MXRA5: variants seen among roughly 807,000 people sequenced by gnomAD.
The protein encoded by MXRA5 is matrix remodeling associated 5.
In MXRA5, 41 loss-of-function variants were observed where a neutral mutation model predicts 112.5. The ratio of observed to expected loss-of-function variants is 0.36; its 90% CI spans 0.28 to 0.47. The LOEUF is 0.47. MXRA5 is among the 20% of genes least tolerant of loss of function. The probability of loss-of-function intolerance (pLI) is 0.99; values close to 1 mark genes in which losing one functional copy is unlikely to be tolerated. For synonymous variants in MXRA5, 862 were observed against 900.8 expected (o/e 0.96, Z 0.77); for missense variants, 2,150 against 2,251.0 (o/e 0.96, Z 0.91).
At chrX:3,318,878 A>T (rs754042173) in intron 5 of MXRA5, among the ~76,000 whole-genome samples, 2 of 109,900 alleles carry the variant, frequency 1.8e-5, no homozygotes, top group South Asian at 7.8e-4. Flanking sequence ...AAAAAAAAAC[A>T]AACAAAAAAC....
chrX:3,325,112 A>G, intron 4 of MXRA5, 137 bp from the exon 5 acceptor site: 1 of 773,836 alleles, frequency 1.3e-6, no homozygotes, highest in Non-Finnish European at 1.7e-6. Context: ...CCTATACATG[A>G]GTTGCCTTTG....
In MXRA5 at chrX:3,324,646, A is replaced by G; in HGVS notation, c.1039T>C (p.Leu347=). Residue 347 remains leucine, a synonymous_variant, in exon 5 of 7, where the codon TTG becomes CTG. Transcript: ENST00000217939. ...KKPMDVYKIH[L]NQTDPPDIDI... is the part of the protein sequence containing the mutation. ...ATATCTGGAGGATCCGTTTGGTTCA[A>G]GTGAATCTTGTACACATCCATTGGT... 4.1e-6 allele frequency: 5 copies of G among 1,211,117 alleles called. No individual in the cohort carries two copies. The highest frequency in any genetic ancestry group is 4.5e-6 in the Non-Finnish European group (4 of 894,960).
chrX:3,313,507 A>C (rs758915329), intron 6 of MXRA5, among the ~76,000 whole-genome samples: 8 of 110,436 alleles, frequency 7.2e-5, no homozygotes, highest in African/African-American at 2.3e-4. Context: ...CAATCCACCC[A>C]CCTCGGCCTC....
rs1335500777 is a variant in MXRA5 at position 3,324,633 on chromosome X, T to A, written c.1052A>T (p.Asp351Val). 3 of 1,210,700 alleles carry A rather than the reference T, an allele frequency of 2.5e-6. No homozygotes were observed. Among genetic ancestry groups the A allele is most frequent in the Non-Finnish European group, 3.4e-6 (3 of 894,721 alleles). ...DVYKIHLNQTDPPDIDINATV... is the reference protein window; with the variant it reads ...DVYKIHLNQTVPPDIDINATV... Reference sequence around the variant, plus strand: ...TGCATTTATGTCAATATCTGGAGGATCCGTTTGGTTCAAGTGAATCTTGTA... The same window carrying A: ...TGCATTTATGTCAATATCTGGAGGAACCGTTTGGTTCAAGTGAATCTTGTA... The change falls in exon 5 of 7, where the codon GAT (aspartate) becomes GTT (valine). Residue 351 changes from aspartate (D) to valine (V), a missense_variant. By Grantham distance (152) the Asp-to-Val change is radical. This residue lies in a region of MXRA5 where 386 missense variants were observed against 411.0 expected (regional missense o/e 0.94). Transcript: ENST00000217939.
At chrX:3,328,004 G>T (rs985573321) in intron 4 of MXRA5, among the ~76,000 whole-genome samples, 1 of 112,468 alleles carries the variant, frequency 8.9e-6, no homozygotes, top group Non-Finnish European at 1.9e-5. Flanking sequence ...AAAGTTTTGT[G>T]GGTCCACATC....
chrX:3,325,379 C>T (rs1394049794), intron 4 of MXRA5, among the ~76,000 whole-genome samples: 1 of 108,875 alleles, frequency 9.2e-6, no homozygotes, highest in African/African-American at 3.3e-5. Flanking sequence ...AAGGATGAAT[C>T]TTTGCACGTA....
At position 3,323,284 on chromosome X, in the gene MXRA5, C is replaced by A. The variant is rs1369535951; in HGVS notation, c.2401G>T (p.Val801Leu). ...RGKNLPKGTE[V>L]PPLIKTTSPP... ...CTTGTGGTTTTAATCAATGGGGGTA[C>A]TTCTGTGCCCTTAGGGAGATTTTTC... is the stretch of plus-strand genomic sequence containing the variant. Residue 801 changes from valine to leucine, a missense_variant, in exon 5 of 7, where the codon GTA becomes TTA. Transcript: ENST00000217939. 8.3e-7 allele frequency: 1 copy of A among 1,209,417 alleles called. No homozygotes were observed. The highest frequency in any genetic ancestry group is 3.0e-5 in the East Asian group (1 of 33,733).
Position 3,321,897 on chromosome X carries a change from T to C in MXRA5, c.3788A>G (p.Asn1263Ser). 8.3e-7 allele frequency: 1 copy of C among 1,211,340 alleles called. No homozygotes were observed. Among genetic ancestry groups the C allele is most frequent in the South Asian group, 1.8e-5 (1 of 56,867 alleles). ...GGGAGTAACAATGTTTCTATGTTTA[T>C]TTTCTGGAGAAGGGCTGGGCTTGGA... ...SGSKPSPSPE[N>S]KHRNIVTPSS... is the part of the protein sequence containing the mutation. Residue 1263 changes from asparagine to serine, a missense_variant, in exon 5 of 7, where the codon AAT (asparagine) becomes AGT (serine). By Grantham distance (46) the Asn-to-Ser change is conservative (BLOSUM62 1). Around this residue, in one of 6 missense-constraint regions of MXRA5, gnomAD observed 1,485 missense variants for 1,471.6 expected, o/e 1.01. Coordinates refer to ENST00000217939, the MANE Select transcript of MXRA5 (RefSeq NM_015419.4).
intron 2 of MXRA5, among the ~76,000 whole-genome samples, chrX:3,332,192 ATTCACC>A (rs1921678899): frequency 8.9e-6 from 1 of 111,739 alleles, no homozygotes; most frequent in Non-Finnish European, 1.9e-5. Flanking sequence ...CTCAAAAACC[ATTCACC>A]TTGATTGCAT....
At chrX:3,313,032 C>T (rs772909299) in intron 6 of MXRA5, among the ~76,000 whole-genome samples, 1 of 112,198 alleles carries the variant, frequency 8.9e-6, no homozygotes, top group Non-Finnish European at 1.9e-5. Flanking sequence ...GTCAATGTAA[C>T]TTGGTAAGGA....
chrX:3,326,050 T>TATTTATATATATTTATACATAAATAC (rs1569184870), intron 4 of MXRA5, among the ~76,000 whole-genome samples: 3 of 69,370 alleles, frequency 4.3e-5, no homozygotes, highest in East Asian at 4.6e-4. Flanking sequence ...TATATAAATA[T>TATTTATATATATTTATACATAAATAC]ATTTATATAT....
In MXRA5 at chrX:3,312,861, T is replaced by C. The variant is rs1387263852; in HGVS notation, c.6579-1237A>G. On this transcript the variant is annotated intron_variant, in intron 6 of 6. Coordinates refer to ENST00000217939, the MANE Select transcript of MXRA5 (RefSeq NM_015419.4). ...CTGGGATTACAGGCATGAGCCACCATACCTGGCAAGACTCCATTTTTCTAA... is the reference window on the plus strand; with the variant it reads ...CTGGGATTACAGGCATGAGCCACCACACCTGGCAAGACTCCATTTTTCTAA... Among the ~76,000 whole-genome samples the C allele has an allele frequency of 2.7e-5, 3 of 111,614 alleles. No individual in the cohort carries two copies. The Admixed American group carries it at 2.8e-4, about 11-fold the overall frequency.
intron 2 of MXRA5, among the ~76,000 whole-genome samples, chrX:3,341,381 T>TTATATATAA (rs1199714850): frequency 3.5e-5 from 1 of 28,754 alleles, no homozygotes; most frequent in Non-Finnish European, 4.9e-5. Flanking sequence ...TATATTATTA[T>TTATATATAA]TATATATAAT....
chrX:3,333,761 A>G (rs1921723725), intron 2 of MXRA5, among the ~76,000 whole-genome samples: 1 of 112,086 alleles, frequency 8.9e-6, no homozygotes, highest in African/African-American at 3.2e-5. Flanking sequence ...ATTCAAGGGC[A>G]TGAAGCTTTA....
rs748346960 is a variant in MXRA5 at position 3,311,217 on chromosome X, T to C, written c.6986A>G (p.Gln2329Arg). The C allele has an allele frequency of 8.3e-7, 1 of 1,212,029 alleles. No individual in the cohort carries two copies. The highest frequency in any genetic ancestry group is 1.1e-6 in the Non-Finnish European group (1 of 895,622). ...EGDYTCFAENQVGKDEMRVRV... is the reference protein window; with the variant it reads ...EGDYTCFAENRVGKDEMRVRV... ...GACTCTCATCTCGTCCTTCCCGACC[T>C]GATTTTCAGCAAAGCAGGTGTAGTC... Residue 2329 changes from glutamine to arginine, a missense_variant, in exon 7 of 7, where the codon CAG becomes CGG. Gln to Arg is a conservative substitution (Grantham distance 43). This residue lies in a region of MXRA5 where 1,485 missense variants were observed against 1,471.6 expected (regional missense o/e 1.01). Transcript: ENST00000217939.
rs775534456 is a variant in MXRA5, at chrX:3,322,501, C to T, written c.3184G>A (p.Glu1062Lys). Residue 1062 changes from glutamate (E) to lysine (K), a missense_variant, in exon 5 of 7, where the codon GAG (glutamate) becomes AAG (lysine). This residue lies in a region of MXRA5 where 1,485 missense variants were observed against 1,471.6 expected (regional missense o/e 1.01). Transcript: ENST00000217939. ...CCTCCCTGTAGTGTCTGAGACATCT[C>T]TTTCATACCCTTTTTAATCAGTAAG... is the stretch of plus-strand genomic sequence containing the variant. ...DTLLIKKGMK[E>K]MSQTLQGGNM... The T allele has an allele frequency of 1.2e-5, 14 of 1,211,112 alleles. No homozygotes were observed. The highest frequency in any genetic ancestry group is 1.1e-4 in the South Asian group (6 of 56,906).
rs1341313577 is a variant in MXRA5, at chrX:3,320,400, C to T, written c.5285G>A (p.Arg1762Lys). The T allele has an allele frequency of 8.3e-7, 1 of 1,211,612 alleles. No homozygotes were observed. The highest frequency in any genetic ancestry group is 3.0e-5 in the East Asian group (1 of 33,844). Reference sequence around the variant, plus strand: ...GTTGTAGGAACCTGGAATAACTTTTCTCTCTCTCATTACTGGGGCAGGAGA... The same window carrying T: ...GTTGTAGGAACCTGGAATAACTTTTTTCTCTCTCATTACTGGGGCAGGAGA... ...PTSPAPVMRE[R>K]KVIPGSYNRI... Residue 1762 changes from arginine to lysine, a missense_variant, in exon 5 of 7, where the codon AGA becomes AAA. Around this residue, in one of 6 missense-constraint regions of MXRA5, gnomAD observed 1,485 missense variants for 1,471.6 expected, o/e 1.01. Transcript: ENST00000217939.
Position 3,310,347 on chromosome X carries a change from C to T in MXRA5, c.7856G>A (p.Arg2619His), listed in dbSNP as rs367812191. 13 of 1,199,833 alleles carry T rather than the reference C, an allele frequency of 1.1e-5. No individual in the cohort carries two copies. Among genetic ancestry groups the T allele is most frequent in the African/African-American group, 1.1e-4 (6 of 56,258 alleles). Residue 2619 changes from arginine to histidine, a missense_variant, in exon 7 of 7, where the codon CGC (arginine) becomes CAC (histidine). Physicochemically the swap from Arg to His is conservative, Grantham distance 29. This residue lies in a region of MXRA5 where 178 missense variants were observed against 198.2 expected (regional missense o/e 0.90). Transcript: ENST00000217939. Reference protein sequence around the residue: ...VDAGAYRCVARNAAGHTERLV... With the variant: ...VDAGAYRCVAHNAAGHTERLV... ...CCTCTCCGTGTGGCCAGCGGCATTG[C>T]GGGCCACGCAGCGGTAGGCCCCGGC... is the stretch of plus-strand genomic sequence containing the variant.
intron 2 of MXRA5, among the ~76,000 whole-genome samples, chrX:3,341,275 A>C (rs1352981658): frequency 2.1e-5 from 1 of 48,733 alleles, no homozygotes; most frequent in Non-Finnish European, 3.5e-5. Flanking sequence ...ATTATATATA[A>C]TATATAATTA....
Sources: gnomAD v4.1 joint callset for allele counts (sites outside exome capture counted in the v4.1 genomes callset) on GRCh38, gnomAD v4.1.1 for gene constraint, gnomAD v4.1.1 regional missense constraint, MANE v1.5 for transcripts, NCBI Gene and HGNC (gene_info 2026-07-23, HGNC 2026-07-21) for gene names.